ITSN1: variants seen among roughly 807,000 people sequenced by gnomAD.
ITSN1 encodes the protein intersectin-1.
A neutral mutation model predicts 239.8 loss-of-function variants in ITSN1; 58 were observed. The ratio of observed to expected loss-of-function variants is 0.24; its 90% CI spans 0.20 to 0.30. The LOEUF is 0.30. Among genes scored for constraint, ITSN1 ranks in the 10% least tolerant of loss-of-function variants. The pLI is 1.00. For missense variants in ITSN1, 1,558 were observed against 2,103.3 expected (o/e 0.74, Z 5.07); for synonymous variants, 780 against 770.8 (o/e 1.01, Z -0.20).
At chr21:33,884,241 A>G (rs1333555904) in intron 36 of ITSN1, among the ~76,000 whole-genome samples, 2 of 151,990 alleles carry the variant, frequency 1.3e-5, no homozygotes, top group African/African-American at 4.8e-5. Context: ...TTTTATTAAG[A>G]AATGTTTCGC....
chr21:33,848,933 G>A (rs1343440692), intron 29 of ITSN1, among the ~76,000 whole-genome samples: 12 of 152,124 alleles, frequency 7.9e-5, no homozygotes, highest in Non-Finnish European at 1.8e-4. Context: ...AAAACAACAG[G>A]CCCCCTTGAA....
chr21:33,775,836 C>T lies in ITSN1; in HGVS notation c.1596+728C>T, dbSNP rs73199870. 5.4e-3 allele frequency among the ~76,000 whole-genome samples: 829 copies of T among 152,296 alleles called. 8 individuals are homozygous for T. The highest frequency in any genetic ancestry group is 7.0e-3 in the Non-Finnish European group (479 of 68,026). On this transcript the variant is annotated intron_variant, in intron 14 of 39. Coordinates refer to ENST00000381318, the MANE Select transcript of ITSN1 (RefSeq NM_003024.3). ...TGTATACTAAATAGTTGGAGACATA[C>T]AGAGCACTTTTAGTAGTTCTGTCTT...
At chr21:33,821,085 T>C (rs145207269) in intron 24 of ITSN1, among the ~76,000 whole-genome samples, 64 of 152,376 alleles carry the variant, frequency 4.2e-4, no homozygotes, top group African/African-American at 1.4e-3. Flanking sequence ...CTGCTACTTT[T>C]ATGTCGTTTT....
intron 1 of ITSN1, among the ~76,000 whole-genome samples, chr21:33,688,913 C>T (rs953102873): frequency 6.6e-6 from 1 of 151,650 alleles, no homozygotes; most frequent in African/African-American, 2.4e-5. Context: ...CCCTCTGCCT[C>T]CCAGGTTCAA....
chr21:33,804,876 A>C (rs1194357835), intron 20 of ITSN1, among the ~76,000 whole-genome samples: 3 of 152,174 alleles, frequency 2.0e-5, no homozygotes, highest in African/African-American at 4.8e-5. Flanking sequence ...TGCAAAAAAA[A>C]CTCATAATGT....
intron 36 of ITSN1, among the ~76,000 whole-genome samples, chr21:33,884,635 G>C (rs914962778): frequency 2.6e-5 from 4 of 152,210 alleles, no homozygotes; most frequent in Non-Finnish European, 5.9e-5. Flanking sequence ...CGTGTGAAGT[G>C]GTTCCCAATC....
intron 16 of ITSN1, among the ~76,000 whole-genome samples, chr21:33,783,913 A>G (rs978851418): frequency 6.6e-6 from 1 of 152,142 alleles, no homozygotes; most frequent in Non-Finnish European, 1.5e-5. Flanking sequence ...TGTCTAGAAG[A>G]TTAAATAATT....
At chr21:33,685,234 A>G (rs1480428188) in intron 1 of ITSN1, among the ~76,000 whole-genome samples, 1 of 152,162 alleles carries the variant, frequency 6.6e-6, no homozygotes, top group Non-Finnish European at 1.5e-5. Flanking sequence ...TTAAGAAAGG[A>G]GTTTATGTTT....
chr21:33,658,992 T>C (rs1264033170), intron 1 of ITSN1, among the ~76,000 whole-genome samples: 2 of 152,122 alleles, frequency 1.3e-5, no homozygotes, highest in South Asian at 2.1e-4. Flanking sequence ...ACCCTCAGAA[T>C]TGGGGGTGGT....
intron 16 of ITSN1, 122 bp from the exon 17 acceptor site, chr21:33,794,219 A>G (rs2071361819): frequency 1.4e-6 from 1 of 726,360 alleles, no homozygotes; most frequent in African/African-American, 1.8e-5. Flanking sequence ...GACTTTTTCC[A>G]ACTCTGAAAC....
chr21:33,662,986 A>G (rs1568873079), intron 1 of ITSN1, among the ~76,000 whole-genome samples: 2 of 152,226 alleles, frequency 1.3e-5, no homozygotes, highest in Admixed American at 6.5e-5. Context: ...AAAATCATTG[A>G]CTTACCACAT....
At position 33,897,380 on chromosome 21, in the gene ITSN1, C is replaced by T. The variant is rs563348405; in HGVS notation, c.*9080C>T. The T allele has an allele frequency of 5.1e-4, 78 of 152,376 alleles. No individual in the cohort carries two copies. The highest frequency in any genetic ancestry group is 1.9e-3 in the African/African-American group (77 of 41,562). 9.4% of individuals were successfully genotyped at this position (152,376 alleles called of 1,614,324 possible). The stretch of plus-strand genomic sequence containing the variant: ...GCCTTAGCTCCATCAGCTTTGTACC[C>T]TCACACGTATAGGTGGTGAACTTAT... On this transcript the variant is annotated 3_prime_UTR_variant, in exon 40 of 40. Transcript: ENST00000381318.
At chr21:33,788,436 A>C (rs2070837061) in intron 16 of ITSN1, among the ~76,000 whole-genome samples, 1 of 152,238 alleles carries the variant, frequency 6.6e-6, no homozygotes, top group Non-Finnish European at 1.5e-5. Flanking sequence ...TTCAGAATTT[A>C]AATAACCAGT....
chr21:33,700,719 T>C (rs1002262198), intron 1 of ITSN1, among the ~76,000 whole-genome samples: 1 of 152,156 alleles, frequency 6.6e-6, no homozygotes, highest in Admixed American at 6.5e-5. Context: ...TCCCCTTCTG[T>C]AAATTTTGCC....
intron 1 of ITSN1, among the ~76,000 whole-genome samples, chr21:33,685,440 G>A (rs1407875326): frequency 6.6e-6 from 1 of 152,006 alleles, no homozygotes; most frequent in Non-Finnish European, 1.5e-5. Flanking sequence ...TTCACCAAGA[G>A]TTGGCCTTGA....
chr21:33,836,859 C>A (rs1217961411), intron 29 of ITSN1: 7 of 745,604 alleles, frequency 9.4e-6, no homozygotes, highest in Non-Finnish European at 1.5e-5. Flanking sequence ...CCCTCCCCTC[C>A]CTCCTTTTTC....
intron 28 of ITSN1, among the ~76,000 whole-genome samples, chr21:33,836,213 A>G (rs2074593991): frequency 6.6e-6 from 1 of 152,228 alleles, no homozygotes; most frequent in Non-Finnish European, 1.5e-5. Flanking sequence ...AAAGAGGACG[A>G]TATCATAAAA....
intron 1 of ITSN1, among the ~76,000 whole-genome samples, chr21:33,703,579 T>G (rs1251576680): frequency 2.0e-5 from 3 of 152,226 alleles, no homozygotes; most frequent in Admixed American, 2.0e-4. Context: ...TTTAATAACT[T>G]GCTGAAAGCA....
intron 1 of ITSN1, among the ~76,000 whole-genome samples, chr21:33,682,218 C>CTT (rs1328131757): frequency 1.4e-5 from 2 of 140,244 alleles, no homozygotes; most frequent in African/African-American, 5.2e-5. Flanking sequence ...TCTTTCTTTT[C>CTT]TTTTTTTTTT....
Sources: gnomAD v4.1 joint callset for allele counts (sites outside exome capture counted in the v4.1 genomes callset) on GRCh38, gnomAD v4.1.1 for gene constraint, MANE v1.5 for transcripts, NCBI Gene and HGNC (gene_info 2026-07-23, HGNC 2026-07-21) for gene names.